CCSER2: variants seen among roughly 807,000 people sequenced by gnomAD.
CCSER2 encodes serine-rich coiled-coil domain-containing protein 2.
In CCSER2, 46 loss-of-function variants were observed where a neutral mutation model predicts 92.3. The ratio of observed to expected loss-of-function variants is 0.50; its 90% CI spans 0.39 to 0.64. CCSER2 has a LOEUF of 0.64. Among genes scored for constraint, CCSER2 ranks in the 30% least tolerant of loss-of-function variants. The pLI is 0.00. For synonymous variants in CCSER2, 433 were observed against 431.4 expected (o/e 1.00, Z -0.04); for missense variants, 1,244 against 1,238.9 (o/e 1.00, Z -0.06).
chr10:84,378,756 GAGAT>G (rs1337247625), intron 3 of CCSER2, among the ~76,000 whole-genome samples: 3 of 152,084 alleles, frequency 2.0e-5, no homozygotes, highest in African/African-American at 7.2e-5. Flanking sequence ...TTTTAGAAAA[GAGAT>G]AGGGTCTGTC....
intron 1 of CCSER2, among the ~76,000 whole-genome samples, chr10:84,338,446 C>T (rs1268131902): frequency 6.6e-6 from 1 of 151,970 alleles, no homozygotes; most frequent in Non-Finnish European, 1.5e-5. Flanking sequence ...TTTTTACTTT[C>T]ACAATACAAA....
chr10:84,354,774 G>A (rs1184104320), intron 1 of CCSER2, among the ~76,000 whole-genome samples: 1 of 151,578 alleles, frequency 6.6e-6, no homozygotes, highest in Non-Finnish European at 1.5e-5. Context: ...ATGCTCTCTA[G>A]ATATGCACCT....
chr10:84,358,577 T>C (rs1426661819), intron 1 of CCSER2, among the ~76,000 whole-genome samples: 2 of 151,138 alleles, frequency 1.3e-5, no homozygotes, highest in Non-Finnish European at 2.9e-5. Context: ...CAGTGAGCTG[T>C]GATAGCACCA....
At chr10:84,481,279 C>T (rs1847441902) in intron 9 of CCSER2, among the ~76,000 whole-genome samples, 1 of 152,108 alleles carries the variant, frequency 6.6e-6, no homozygotes, top group East Asian at 1.9e-4. Flanking sequence ...GTTTTCTTAC[C>T]TTACAAATTC....
rs542313439 is a variant in CCSER2 at position 84,336,447 on chromosome 10, A to G, written c.-40+7639A>G. On this transcript the variant is annotated intron_variant, in intron 1 of 9. Transcript: ENST00000372088. ...TGAGGGTGATGCTGCTGTTTTATCT[A>G]AGGTGGTTAGGGAAGGCTGTAATAA... Among the ~76,000 whole-genome samples the G allele has an allele frequency of 5.9e-5, 9 of 152,366 alleles. No homozygotes were observed. The South Asian group carries it at 1.0e-3, about 18-fold the overall frequency.
In CCSER2 at chr10:84,478,297, G is replaced by A. The variant is rs139027076; in HGVS notation, c.2325+633G>A. Among the ~76,000 whole-genome samples, 386 of 152,244 alleles carry A rather than the reference G, an allele frequency of 2.5e-3. 2 individuals carry two copies. The highest frequency in any genetic ancestry group is 8.5e-3 in the African/African-American group (354 of 41,538). ...TCTGAGTTCTCAGAACTTAGTGCAG[G>A]ATGTGTGTGAGCCAGAGAATTATCA... On this transcript the variant is annotated intron_variant, in intron 9 of 9. Transcript: ENST00000372088.
chr10:84,408,439 C>G (rs1377685940), intron 3 of CCSER2, among the ~76,000 whole-genome samples: 1 of 151,194 alleles, frequency 6.6e-6, no homozygotes, highest in African/African-American at 2.4e-5. Context: ...TTTTTTGCCT[C>G]TCTTCCTTCC....
At chr10:84,495,116 A>G (rs938646941) in intron 9 of CCSER2, among the ~76,000 whole-genome samples, 3 of 146,572 alleles carry the variant, frequency 2.0e-5, no homozygotes, top group African/African-American at 7.5e-5. Flanking sequence ...TACATATTAT[A>G]TATTTTTTCA....
intron 9 of CCSER2, among the ~76,000 whole-genome samples, chr10:84,511,517 A>G (rs1849346035): frequency 6.6e-6 from 1 of 152,250 alleles, no homozygotes; most frequent in Non-Finnish European, 1.5e-5. Context: ...ATATTACAAT[A>G]AAGTCCATTT....
chr10:84,445,938 T>A (rs1477060196), intron 6 of CCSER2, among the ~76,000 whole-genome samples: 1 of 152,222 alleles, frequency 6.6e-6, no homozygotes, highest in East Asian at 1.9e-4. Flanking sequence ...GGTGAACATA[T>A]GTATGCATTT....
chr10:84,419,929 A>C (rs922803902), intron 4 of CCSER2, among the ~76,000 whole-genome samples: 2 of 152,274 alleles, frequency 1.3e-5, no homozygotes, highest in African/African-American at 2.4e-5. Context: ...TAGAACACAG[A>C]GGAAAAACAT....
At chr10:84,418,032 A>T (rs1003916878) in intron 4 of CCSER2, among the ~76,000 whole-genome samples, 171 bp downstream of exon 4, 3 of 152,228 alleles carry the variant, frequency 2.0e-5, no homozygotes, top group Admixed American at 6.5e-5. Flanking sequence ...TTAAATATTT[A>T]AAACCTGATT....
At chr10:84,391,521 A>G (rs1227403477) in intron 3 of CCSER2, 10 of 1,511,006 alleles carry the variant, frequency 6.6e-6, no homozygotes, top group Admixed American at 5.0e-5. Context: ...CTGGGAATCA[A>G]CCCAAATCCA....
rs200606836 is a variant in CCSER2 at position 84,471,776 on chromosome 10, G to GT, written c.2235+1321dup. Reference sequence around the variant, plus strand: ...ACATATCATTCTAATGTTGGGATTTGTTTGGATTTATAAATCCTTAATTTT... The same window carrying GT: ...ACATATCATTCTAATGTTGGGATTTGTTTTGGATTTATAAATCCTTAATTTT... On this transcript the variant is annotated intron_variant, in intron 8 of 9. Coordinates refer to ENST00000372088, the MANE Select transcript of CCSER2 (RefSeq NM_001284240.2). Among the ~76,000 whole-genome samples the GT allele has an allele frequency of 6.2e-3, 945 of 152,036 alleles. 6 individuals carry two copies. Among genetic ancestry groups the GT allele is most frequent in the African/African-American group, 0.021 (865 of 41,506 alleles).
At chr10:84,463,322 T>C (rs1846211438) in intron 6 of CCSER2, among the ~76,000 whole-genome samples, 1 of 152,202 alleles carries the variant, frequency 6.6e-6, no homozygotes, top group South Asian at 2.1e-4. Context: ...ATAGAACATT[T>C]CCAGCTTCCT....
At chr10:84,379,346 C>G (rs906057755) in intron 3 of CCSER2, among the ~76,000 whole-genome samples, 3 of 151,980 alleles carry the variant, frequency 2.0e-5, no homozygotes, top group Non-Finnish European at 4.4e-5. Flanking sequence ...TTCCAAGAAC[C>G]AAATTTGGGC....
At chr10:84,439,512 G>C (rs981028311) in intron 6 of CCSER2, among the ~76,000 whole-genome samples, 1 of 152,074 alleles carries the variant, frequency 6.6e-6, no homozygotes, top group Non-Finnish European at 1.5e-5. Flanking sequence ...AGAATTCCTG[G>C]TGGCCATCAA....
chr10:84,339,864 G>A (rs972777106), intron 1 of CCSER2, among the ~76,000 whole-genome samples: 6 of 150,976 alleles, frequency 4.0e-5, no homozygotes, highest in Non-Finnish European at 7.4e-5. Flanking sequence ...TTTTTGAGAC[G>A]GAGTTTCACT....
chr10:84,454,316 C>T (rs1260986452), intron 6 of CCSER2, among the ~76,000 whole-genome samples: 1 of 152,030 alleles, frequency 6.6e-6, no homozygotes, highest in Non-Finnish European at 1.5e-5. Flanking sequence ...GATTTATGAC[C>T]CACCCTAATC....
Sources: gnomAD v4.1 joint callset for allele counts (sites outside exome capture counted in the v4.1 genomes callset) on GRCh38, gnomAD v4.1.1 for gene constraint, MANE v1.5 for transcripts, NCBI Gene and HGNC (gene_info 2026-07-23, HGNC 2026-07-21) for gene names.